Variants in EEF1E1 observed in about 807,000 individuals in gnomAD.
EEF1E1 encodes eukaryotic translation elongation factor 1 epsilon-1.
In EEF1E1, 19 loss-of-function variants were observed where a neutral mutation model predicts 19.9. The ratio of observed to expected loss-of-function variants is 0.95; its 90% CI spans 0.66 to 1.40. EEF1E1 has a LOEUF of 1.40. EEF1E1 is among the 40% of genes most tolerant of loss of function. The pLI, the probability that EEF1E1 is intolerant of heterozygous loss-of-function variation, is 0.00. For synonymous variants in EEF1E1, 81 were observed against 80.0 expected, an observed-to-expected ratio of 1.01 and a Z score of -0.07; for missense variants, 198 against 202.2, an observed-to-expected ratio of 0.98 and a Z score of 0.13.
At chr6:8,076,266 A>G (rs1489198892), downstream of EEF1E1, among the ~76,000 whole-genome samples, 1 of 151,970 alleles carries the variant, frequency 6.6e-6, no homozygotes. Flanking sequence ...ACTCCATCAG[A>G]GAAATCACTA....
intron 1 of EEF1E1, among the ~76,000 whole-genome samples, chr6:8,099,662 C>T (rs1758270036): frequency 6.6e-6 from 1 of 151,268 alleles, no homozygotes; most frequent in Non-Finnish European, 1.5e-5. Flanking sequence ...CAGGAGAATC[C>T]CTTGAATCCG....
intron 3 of EEF1E1, among the ~76,000 whole-genome samples, chr6:8,084,797 C>T (rs1331560879): frequency 6.6e-6 from 1 of 152,188 alleles, no homozygotes; most frequent in African/African-American, 2.4e-5. Flanking sequence ...TAGCCATGCT[C>T]ACAGCAGCAC....
chr6:8,102,468 C>G lies in EEF1E1; in HGVS notation c.54G>C (p.Lys18Asn), dbSNP rs764896636. Reference protein sequence around the residue: ...SLLEKSLGLSKGNKYSAQGER... With the variant: ...SLLEKSLGLSNGNKYSAQGER... ...CGCCCTGAGCACTGTATTTATTCCC[C>G]TTACTCAGTCCCAGGGACTTCTCCA... Residue 18 changes from lysine (K) to asparagine (N), a missense_variant, in exon 1 of 4, where the codon AAG (lysine) becomes AAC (asparagine). Transcript: ENST00000379715. 6.2e-7 allele frequency: 1 copy of G among 1,612,662 alleles called. No individual in the cohort carries two copies. Among genetic ancestry groups the G allele is most frequent in the East Asian group, 2.2e-5 (1 of 44,874 alleles).
At chr6:8,076,286 G>C (rs918741127), downstream of EEF1E1, among the ~76,000 whole-genome samples, 1 of 151,984 alleles carries the variant, frequency 6.6e-6, no homozygotes, top group Non-Finnish European at 1.5e-5. Flanking sequence ...ATCTATGGCA[G>C]CTATAGCCTT....
intron 2 of EEF1E1, among the ~76,000 whole-genome samples, chr6:8,093,027 ATG>A (rs1758062721): frequency 6.6e-6 from 1 of 151,838 alleles, no homozygotes; most frequent in African/African-American, 2.4e-5. Flanking sequence ...GGCACACAAC[ATG>A]ACTGGCTAAT....
At chr6:8,085,172 G>A (rs1480288449) in intron 3 of EEF1E1, among the ~76,000 whole-genome samples, 6 of 151,920 alleles carry the variant, frequency 3.9e-5, no homozygotes, top group South Asian at 2.1e-4. Flanking sequence ...TTTTAAGACA[G>A]GTCTCACTCT....
At chr6:8,099,756 A>ACACACC (rs1314205499) in intron 1 of EEF1E1, among the ~76,000 whole-genome samples, 1 of 52,260 alleles carries the variant, frequency 1.9e-5, no homozygotes, top group Non-Finnish European at 3.7e-5. Context: ...TCAAAAACAC[A>ACACACC]CACACACACA....
chr6:8,093,788 A>C (rs1368212702), intron 2 of EEF1E1, among the ~76,000 whole-genome samples: 1 of 149,910 alleles, frequency 6.7e-6, no homozygotes, highest in Non-Finnish European at 1.5e-5. Context: ...AATTGTATTA[A>C]AAAAAAAAGC....
In EEF1E1 at chr6:8,097,333, C is replaced by T; in HGVS notation, c.222G>A (p.Trp74Ter). The T allele has an allele frequency of 6.2e-7, 1 of 1,614,174 alleles. No individual in the cohort carries two copies. Among genetic ancestry groups the T allele is most frequent in the Non-Finnish European group, 8.5e-7 (1 of 1,180,030 alleles). The change falls in exon 2 of 4, where the codon TGG becomes TGA. Residue 74 changes from tryptophan to a stop codon, truncating the protein, a stop_gained. Coordinates refer to ENST00000379715, the MANE Select transcript of EEF1E1 (RefSeq NM_004280.5). LOFTEE classifies it high-confidence loss of function. ...TAEEKAIVQQ[W>*]LEYRVTQVDG... Reference sequence around the variant, plus strand: ...CTACTTGAGTGACCCTGTATTCTAACCACTGCTGAACGATTGCTTTTTCTT... The same window carrying T: ...CTACTTGAGTGACCCTGTATTCTAATCACTGCTGAACGATTGCTTTTTCTT...
intron 3 of EEF1E1, among the ~76,000 whole-genome samples, chr6:8,080,743 G>A (rs932734551): frequency 1.5e-4 from 23 of 152,236 alleles, no homozygotes; most frequent in African/African-American, 5.5e-4. Context: ...GAGAAAACCA[G>A]TAGGGCAGTA....
chr6:8,077,286 T>C (rs377492591), downstream of EEF1E1, among the ~76,000 whole-genome samples: 8 of 152,292 alleles, frequency 5.3e-5, no homozygotes, highest in South Asian at 1.5e-3. Context: ...TTTGGAATGG[T>C]ACATGAGCAC....
chr6:8,093,059 G>C (rs1003676729), intron 2 of EEF1E1, among the ~76,000 whole-genome samples: 8 of 151,828 alleles, frequency 5.3e-5, no homozygotes, highest in African/African-American at 1.9e-4. Flanking sequence ...TTTTAGTGGA[G>C]ACAGCGGTTT....
chr6:8,092,967 A>G (rs1399137552), intron 2 of EEF1E1, among the ~76,000 whole-genome samples: 5 of 138,414 alleles, frequency 3.6e-5, no homozygotes, highest in Non-Finnish European at 7.5e-5. Flanking sequence ...CTCTGCCTCC[A>G]GGGTTCAAGC....
At chr6:8,095,610 A>T (rs1388829825) in intron 2 of EEF1E1, 1 of 156,504 alleles carries the variant, frequency 6.4e-6, no homozygotes, top group East Asian at 1.9e-4. Flanking sequence ...ACAAAAGGAA[A>T]AAAAAGGCAT....
intron 1 of EEF1E1, among the ~76,000 whole-genome samples, chr6:8,101,249 T>A (rs1271712124): frequency 0.42 from 11,533 of 27,694 alleles, 2,376 homozygotes; most frequent in Non-Finnish European, 0.44. Context: ...AAAAAATATA[T>A]ATATATATAT....
chr6:8,084,184 C>T (rs1757788669), intron 3 of EEF1E1, among the ~76,000 whole-genome samples: 1 of 152,178 alleles, frequency 6.6e-6, no homozygotes, highest in Admixed American at 6.5e-5. Context: ...AGATGACATA[C>T]ATTCCAAAAT....
intron 3 of EEF1E1, chr6:8,089,811 G>A (rs1757967151): frequency 1.7e-5 from 4 of 231,820 alleles, no homozygotes; most frequent in Non-Finnish European, 3.3e-5. Flanking sequence ...GGGCCCAGGG[G>A]ATGATGACAA....
Position 8,079,987 on chromosome 6 carries a change from G to A in EEF1E1, c.428C>T (p.Ser143Phe), listed in dbSNP as rs1757687132. ...VQEKEKYLNV[S>F]RWFCHIQHYP... Reference sequence around the variant, plus strand: ...ATGCTGAATGTGACAAAACCAGCGAGACACATTAAGATATTTCTCCTTTTC... The same window carrying A: ...ATGCTGAATGTGACAAAACCAGCGAAACACATTAAGATATTTCTCCTTTTC... The change falls in exon 4 of 4, where the codon TCT (serine) becomes TTT (phenylalanine). Residue 143 changes from serine (S) to phenylalanine (F), a missense_variant. Transcript: ENST00000379715. 6.2e-7 allele frequency: 1 copy of A among 1,613,588 alleles called. No individual in the cohort carries two copies. Among genetic ancestry groups the A allele is most frequent in the Non-Finnish European group, 8.5e-7 (1 of 1,179,898 alleles).
At chr6:8,098,204 C>G (rs1758226824) in intron 1 of EEF1E1, among the ~76,000 whole-genome samples, 1 of 151,932 alleles carries the variant, frequency 6.6e-6, no homozygotes, top group South Asian at 2.1e-4. Context: ...ACTGCAACCT[C>G]TGCCTCCCGG....
Sources: allele counts gnomAD v4.1 joint callset (sites outside exome capture counted in the v4.1 genomes callset), GRCh38; gene constraint gnomAD v4.1.1; transcripts MANE v1.5; gene names NCBI Gene and HGNC (gene_info 2026-07-23, HGNC 2026-07-21).